ZNF93: variants seen among roughly 807,000 people sequenced by gnomAD.
The protein encoded by ZNF93 is zinc finger protein 93.
A neutral mutation model predicts 45.0 loss-of-function variants in ZNF93; 29 were observed. The observed-to-expected ratio is 0.64, with a 90% CI of 0.48 to 0.88. ZNF93 has a LOEUF of 0.88. Ranked by LOEUF, ZNF93 falls within the 40% of genes least tolerant of loss-of-function variation. The pLI is 0.00. For missense variants in ZNF93, 578 were observed against 724.0 expected (o/e 0.80, Z 2.31); for synonymous variants, 223 against 244.6 (o/e 0.91, Z 0.82).
intron 1 of ZNF93, among the ~76,000 whole-genome samples, chr19:19,904,747 C>T (rs182934587): frequency 7.9e-5 from 12 of 151,612 alleles, no homozygotes; most frequent in East Asian, 1.9e-4. Context: ...CAGGCTGTCA[C>T]GCTGCCCATT....
chr19:19,908,052 A>G (rs1337477576), intron 1 of ZNF93, among the ~76,000 whole-genome samples: 1 of 152,198 alleles, frequency 6.6e-6, no homozygotes, highest in Non-Finnish European at 1.5e-5. Flanking sequence ...AAAGTGTTAC[A>G]GTTAGTCTGA....
intron 3 of ZNF93, among the ~76,000 whole-genome samples, chr19:19,924,947 T>A (rs1421764161): frequency 6.6e-6 from 1 of 152,230 alleles, no homozygotes; most frequent in Non-Finnish European, 1.5e-5. Context: ...TTCAGGCAAC[T>A]GAAATTGAAT....
intron 3 of ZNF93, 89 bp from the exon 4 acceptor site, chr19:19,933,093 T>G: frequency 1.0e-6 from 1 of 999,092 alleles, no homozygotes; most frequent in Non-Finnish European, 1.4e-6. Flanking sequence ...CTTAGTTATG[T>G]AGTTTGTATA....
chr19:19,928,935 G>T (rs1243375801), intron 3 of ZNF93, among the ~76,000 whole-genome samples: 1 of 152,174 alleles, frequency 6.6e-6, no homozygotes, highest in Admixed American at 6.5e-5. Context: ...GTGAAGCCTA[G>T]TTGGTCTATA....
rs752306677 is a variant in ZNF93 at position 19,934,655 on chromosome 19, G to A, written c.1700G>A (p.Cys567Tyr). Reference protein sequence around the residue: ...ILHTGEKPYRCRECGKAFNHS... With the variant: ...ILHTGEKPYRYRECGKAFNHS... ...CATACTGGAGAGAAACCTTATAGAT[G>A]TAGAGAATGTGGCAAAGCTTTTAAC... Residue 567 changes from cysteine (C) to tyrosine (Y), a missense_variant, in exon 4 of 4, where the codon TGT (cysteine) becomes TAT (tyrosine). By Grantham distance (194) the Cys-to-Tyr change is radical. Transcript: ENST00000343769. 1.2e-6 allele frequency: 2 copies of A among 1,613,684 alleles called. No homozygotes were observed. The highest frequency in any genetic ancestry group is 1.3e-5 in the African/African-American group (1 of 75,022).
intron 1 of ZNF93, among the ~76,000 whole-genome samples, chr19:19,912,148 G>A (rs2063310482): frequency 6.6e-6 from 1 of 152,062 alleles, no homozygotes; most frequent in Non-Finnish European, 1.5e-5. Flanking sequence ...TTGCATACTA[G>A]TATATAGTAT....
At chr19:19,916,702 C>T (rs1461188131) in intron 3 of ZNF93, 47 bp downstream of exon 3, 1 of 1,408,264 alleles carries the variant, frequency 7.1e-7, no homozygotes, top group Non-Finnish European at 9.7e-7. Flanking sequence ...AGTAAGAGGT[C>T]CCAAGGCCAA....
chr19:19,934,334 A>G lies in ZNF93; in HGVS notation c.1379A>G (p.Lys460Arg), dbSNP rs545569432. Residue 460 changes from lysine (K) to arginine (R), a missense_variant, in exon 4 of 4, where the codon AAA becomes AGA. By Grantham distance (26) the Lys-to-Arg change is conservative (BLOSUM62 2). Transcript: ENST00000343769. ...CCCTACAAGTGTGAAGAATGTGGCA[A>G]AGCTTTTAACCAGTCCTCATCCCTT... is the stretch of plus-strand genomic sequence containing the variant. The part of the protein sequence containing the change: ...KKPYKCEECG[K>R]AFNQSSSLTK... 2 of 1,613,834 alleles carry G rather than the reference A, an allele frequency of 1.2e-6. No individual in the cohort carries two copies. Among genetic ancestry groups the G allele is most frequent in the South Asian group, 1.1e-5 (1 of 91,078 alleles).
At chr19:19,910,612 C>T (rs2122167293) in intron 1 of ZNF93, among the ~76,000 whole-genome samples, 1 of 151,720 alleles carries the variant, frequency 6.6e-6, no homozygotes, top group Non-Finnish European at 1.5e-5. Flanking sequence ...TTAAGCTTGA[C>T]CCAAGTAAAC....
rs111266650 is a variant in ZNF93, at chr19:19,914,630, C to T, written c.4-650C>T. 7.5e-4 allele frequency: 146 copies of T among 195,962 alleles called. 1 individual carries two copies. Among genetic ancestry groups the T allele is most frequent in the African/African-American group, 2.8e-3 (117 of 41,758 alleles). The allele number at this position is 195,962 out of a possible 1,614,324, so 12.1% of individuals were successfully genotyped here. On this transcript the variant is annotated intron_variant, in intron 1 of 3. Transcript: ENST00000343769. ...TTCATTATTAAGCATCCTTATCCAG[C>T]GGATTTGCATAAACCATCACATTTA...
At chr19:19,925,732 C>T (rs1458325572) in intron 3 of ZNF93, among the ~76,000 whole-genome samples, 2 of 150,966 alleles carry the variant, frequency 1.3e-5, no homozygotes, top group Non-Finnish European at 2.9e-5. Context: ...TAACCTATAT[C>T]TAAATAATAA....
chr19:19,934,046 T>A lies in ZNF93; in HGVS notation c.1091T>A (p.Met364Lys), dbSNP rs760314086. 6.2e-7 allele frequency: 1 copy of A among 1,610,206 alleles called. No individual in the cohort carries two copies. The highest frequency in any genetic ancestry group is 1.1e-5 in the South Asian group (1 of 90,802). The change falls in exon 4 of 4, where the codon ATG becomes AAG. Residue 364 changes from methionine (M) to lysine (K), a missense_variant. This residue lies in a region of ZNF93 where 446 missense variants were observed against 547.6 expected (regional missense o/e 0.81). Transcript: ENST00000343769. Reference sequence around the variant, plus strand: ...CTTAGTAGACATGAGTTCATTCATATGGGAAAGAAACATTACAAATGTGAA... The same window carrying A: ...CTTAGTAGACATGAGTTCATTCATAAGGGAAAGAAACATTACAAATGTGAA... ...STLSRHEFIHMGKKHYKCEEC... is the reference protein window; with the variant it reads ...STLSRHEFIHKGKKHYKCEEC...
Position 19,934,756 on chromosome 19 carries a change from G to A in ZNF93, c.1801G>A (p.Ala601Thr), listed in dbSNP as rs1441636259. ...ATACGAGTGTGATAAATGTGGCAAA[G>A]CCTTTATTTCACCCTCAAGCCTTAG... ...KPYECDKCGK[A>T]FISPSSLSRH... is the part of the protein sequence containing the mutation. Residue 601 changes from alanine (A) to threonine (T), a missense_variant, in exon 4 of 4, where the codon GCC (alanine) becomes ACC (threonine). Ala to Thr is a moderately conservative substitution (Grantham distance 58, BLOSUM62 0). This residue lies in a region of ZNF93 where 119 missense variants were observed against 123.1 expected (regional missense o/e 0.97). Coordinates refer to ENST00000343769, the MANE Select transcript of ZNF93 (RefSeq NM_031218.4). 1 of 1,610,098 alleles carries A rather than the reference G, an allele frequency of 6.2e-7. No individual in the cohort carries two copies. The highest frequency in any genetic ancestry group is 1.3e-5 in the African/African-American group (1 of 74,800).
At chr19:19,903,092 G>A (rs890898819) in intron 1 of ZNF93, among the ~76,000 whole-genome samples, 7 of 152,066 alleles carry the variant, frequency 4.6e-5, no homozygotes, top group Non-Finnish European at 2.9e-5. Context: ...GAACATTTTA[G>A]ACTTTGTAAA....
At chr19:19,911,894 T>TAG (rs1303853876) in intron 1 of ZNF93, among the ~76,000 whole-genome samples, 2 of 151,954 alleles carry the variant, frequency 1.3e-5, no homozygotes, top group Non-Finnish European at 1.5e-5. Context: ...GGATTACAGT[T>TAG]GCCTGCCACT....
intron 1 of ZNF93, among the ~76,000 whole-genome samples, chr19:19,911,335 G>A (rs1440672734): frequency 6.6e-6 from 1 of 152,178 alleles, no homozygotes; most frequent in African/African-American, 2.4e-5. Flanking sequence ...GCAGAATTTT[G>A]TCAGGCTGAC....
chr19:19,925,545 T>C (rs560168344), intron 3 of ZNF93, among the ~76,000 whole-genome samples: 182 of 152,356 alleles, frequency 1.2e-3, no homozygotes, highest in African/African-American at 4.2e-3. Flanking sequence ...TATTTTCTAC[T>C]TCAAATTTGT....
intron 3 of ZNF93, among the ~76,000 whole-genome samples, chr19:19,917,538 T>G (rs898360854): frequency 4.6e-5 from 7 of 152,204 alleles, no homozygotes; most frequent in African/African-American, 1.7e-4. Context: ...GTTAATTTTC[T>G]GTTTTGGTAA....
chr19:19,934,931 G>C lies in ZNF93; in HGVS notation c.*113G>C, dbSNP rs550867315. ...AACTCCTCCCAGGCACAGTCTGGCA[G>C]AGGTCCTGCCATTTCGGAGACCTGG... On this transcript the variant is annotated 3_prime_UTR_variant, in exon 4 of 4. Coordinates refer to ENST00000343769, the MANE Select transcript of ZNF93 (RefSeq NM_031218.4). 3,006 of 1,217,876 alleles carry C rather than the reference G, an allele frequency of 2.5e-3. 10 individuals are homozygous for C. The highest frequency in any genetic ancestry group is 3.1e-3 in the Non-Finnish European group (2,732 of 886,118). 75.4% of individuals were successfully genotyped at this position (1,217,876 alleles called of 1,614,324 possible). A position where few individuals can be genotyped will look rare whatever the true frequency, so the allele number is the denominator to read the frequency against.
Sources: gnomAD v4.1 joint callset for allele counts (sites outside exome capture counted in the v4.1 genomes callset) on GRCh38, gnomAD v4.1.1 for gene constraint, gnomAD v4.1.1 regional missense constraint, MANE v1.5 for transcripts, NCBI Gene and HGNC (gene_info 2026-07-23, HGNC 2026-07-21) for gene names.